DESI1: variants seen among roughly 807,000 people sequenced by gnomAD.
The protein encoded by DESI1 is desumoylating isopeptidase 1, also known as PPPDE peptidase domain containing 2.
DESI1 carries 17 observed loss-of-function variants against 22.4 expected under a neutral mutation model. The ratio of observed to expected loss-of-function variants is 0.76; its 90% CI spans 0.52 to 1.14. The LOEUF (loss-of-function observed/expected upper bound fraction) is 1.14. Among genes scored for constraint, DESI1 ranks in the 50% most tolerant of loss-of-function variants. DESI1 has a pLI of 0.00. For synonymous variants in DESI1, 92 were observed against 84.2 expected (o/e 1.09, Z -0.51); for missense variants, 177 against 208.9 (o/e 0.85, Z 0.94).
chr22:41,598,194 T>C lies in DESI1; in HGVS notation c.*2903A>G, dbSNP rs1168818964. On this transcript the variant is annotated 3_prime_UTR_variant, in exon 6 of 6. Coordinates refer to ENST00000263256, the MANE Select transcript of DESI1 (RefSeq NM_015704.3). ...TGGTCTCATCCCTCCTCCTTCCCTATCCCTTTAAACCAATGGACCTCTAGA... is the reference window on the plus strand; with the variant it reads ...TGGTCTCATCCCTCCTCCTTCCCTACCCCTTTAAACCAATGGACCTCTAGA... 6.6e-6 allele frequency: 1 copy of C among 152,194 alleles called. No individual in the cohort carries two copies. The highest frequency in any genetic ancestry group is 2.4e-5 in the African/African-American group (1 of 41,428). The allele number at this position is 152,194 out of a possible 1,614,324, so 9.4% of individuals were successfully genotyped here.
At chr22:41,601,666 G>C (rs946306109) in intron 5 of DESI1, among the ~76,000 whole-genome samples, 14 of 152,206 alleles carry the variant, frequency 9.2e-5, no homozygotes, top group African/African-American at 3.4e-4. Context: ...CTGCCAGGGA[G>C]TACAGGGAAT....
chr22:41,605,256 T>C (rs2067472301), intron 3 of DESI1, among the ~76,000 whole-genome samples: 1 of 152,178 alleles, frequency 6.6e-6, no homozygotes, highest in African/African-American at 2.4e-5. Context: ...GCCTAATCCT[T>C]GCCCTATCAC....
At chr22:41,620,453 C>T (rs943873158) in intron 1 of DESI1, among the ~76,000 whole-genome samples, 3 of 152,188 alleles carry the variant, frequency 2.0e-5, no homozygotes, top group African/African-American at 7.2e-5. Context: ...TGGTTTACCC[C>T]ACACCCTCGT....
At chr22:41,603,460 A>T in intron 4 of DESI1, 79 bp from the exon 5 acceptor site, 3 of 1,598,866 alleles carry the variant, frequency 1.9e-6, no homozygotes, top group Non-Finnish European at 2.6e-6. Flanking sequence ...TAGGCAGTGG[A>T]ATGGTGAGCA....
chr22:41,612,261 C>T (rs1386521131), intron 1 of DESI1, among the ~76,000 whole-genome samples: 1 of 151,918 alleles, frequency 6.6e-6, no homozygotes, highest in Admixed American at 6.6e-5. Flanking sequence ...GTAATCCGAG[C>T]GCTTTGGGAG....
At chr22:41,606,723 G>A (rs143511742) in intron 3 of DESI1, among the ~76,000 whole-genome samples, 103 of 128,240 alleles carry the variant, frequency 8.0e-4, no homozygotes, top group South Asian at 1.8e-3. Context: ...GCAGTGAGCC[G>A]AGATCGCACC....
intron 1 of DESI1, among the ~76,000 whole-genome samples, chr22:41,608,916 G>A (rs189632214): frequency 2.6e-5 from 4 of 152,252 alleles, no homozygotes; most frequent in East Asian, 1.9e-4. Flanking sequence ...ATTACTGATT[G>A]CTAACTGCTA....
chr22:41,607,728 T>G (rs2067491468), intron 2 of DESI1, 112 bp downstream of exon 2: 1 of 1,263,884 alleles, frequency 7.9e-7, no homozygotes, highest in African/African-American at 1.5e-5. Context: ...CTTGAAGATT[T>G]ATAGCATGGA....
intron 1 of DESI1, among the ~76,000 whole-genome samples, chr22:41,608,064 CA>C (rs2067493354): frequency 6.6e-6 from 1 of 152,168 alleles, no homozygotes; most frequent in Non-Finnish European, 1.5e-5. Flanking sequence ...AGTCTTTTAT[CA>C]GAATGCAAGA....
Position 41,600,937 on chromosome 22 carries a change from T to C in DESI1, c.*160A>G, listed in dbSNP as rs2067446172. 3 of 648,608 alleles carry C rather than the reference T, an allele frequency of 4.6e-6. No individual in the cohort carries two copies. In the East Asian group the frequency reaches 8.3e-5, roughly 18 times the overall value. The allele number at this position is 648,608 out of a possible 1,614,324, so 40.2% of individuals were successfully genotyped here. On this transcript the variant is annotated 3_prime_UTR_variant, in exon 6 of 6. Coordinates refer to ENST00000263256, the MANE Select transcript of DESI1 (RefSeq NM_015704.3). ...ATTTTGTTCTGTTTCTTAGCAGCAT[T>C]GTCTACATGCGGCCTGACGGTCTCC...
At chr22:41,603,919 A>G in intron 4 of DESI1, 125 bp downstream of exon 4, 1 of 763,600 alleles carries the variant, frequency 1.3e-6, no homozygotes, top group Non-Finnish European at 2.0e-6. Context: ...ATGTTAATTC[A>G]GCAAAAAACT....
At chr22:41,605,216 T>C (rs980967518) in intron 3 of DESI1, among the ~76,000 whole-genome samples, 1 of 152,224 alleles carries the variant, frequency 6.6e-6, no homozygotes, top group African/African-American at 2.4e-5. Flanking sequence ...GGCAGATATT[T>C]CCATAATTCA....
At chr22:41,615,593 T>A (rs1178935802) in intron 1 of DESI1, among the ~76,000 whole-genome samples, 2 of 152,228 alleles carry the variant, frequency 1.3e-5, no homozygotes, top group Non-Finnish European at 2.9e-5. Flanking sequence ...ATAGATGGCA[T>A]TAAAACAGAA....
chr22:41,616,914 G>T (rs1301788471), intron 1 of DESI1, among the ~76,000 whole-genome samples: 1 of 152,202 alleles, frequency 6.6e-6, no homozygotes, highest in Non-Finnish European at 1.5e-5. Flanking sequence ...AGAGCTAGAT[G>T]AGGTCTCCCA....
intron 1 of DESI1, among the ~76,000 whole-genome samples, chr22:41,619,953 A>T (rs1346773948): frequency 6.6e-6 from 1 of 152,204 alleles, no homozygotes; most frequent in Admixed American, 6.5e-5. Context: ...CCTGTATTTA[A>T]GTTGAAATAA....
At chr22:41,619,772 C>G (rs374153341) in intron 1 of DESI1, among the ~76,000 whole-genome samples, 1 of 152,208 alleles carries the variant, frequency 6.6e-6, no homozygotes, top group African/African-American at 2.4e-5. Flanking sequence ...TCTGCCCCCT[C>G]GTCTCACAGA....
chr22:41,615,137 AAAAAAAT>A (rs2067542749), intron 1 of DESI1, among the ~76,000 whole-genome samples: 1 of 150,764 alleles, frequency 6.6e-6, no homozygotes, highest in Admixed American at 6.6e-5. Flanking sequence ...TCTCTTCTAA[AAAAAAAT>A]ACAGGCCGGG....
Position 41,620,825 on chromosome 22 carries a change from A to G in DESI1, c.15T>C (p.Asn5=). Residue 5 remains asparagine (N), a synonymous_variant, in exon 1 of 6, where the codon AAT becomes AAC. Coordinates refer to ENST00000263256, the MANE Select transcript of DESI1 (RefSeq NM_015704.3). MEPP[N]LYPVKLYVYD... ...ACACGTAGAGCTTCACCGGATAGAG[A>G]TTCGGCGGCTCCATTGGGACCCGTG... 6.2e-7 allele frequency: 1 copy of G among 1,610,532 alleles called. No homozygotes were observed. The highest frequency in any genetic ancestry group is 8.5e-7 in the Non-Finnish European group (1 of 1,178,526).
chr22:41,620,542 G>A (rs965183692), intron 1 of DESI1, among the ~76,000 whole-genome samples: 4 of 152,156 alleles, frequency 2.6e-5, no homozygotes, highest in Non-Finnish European at 2.9e-5. Flanking sequence ...CCTTCCCCTT[G>A]AATTCAAACG....
Sources: allele counts gnomAD v4.1 joint callset (sites outside exome capture counted in the v4.1 genomes callset), GRCh38; gene constraint gnomAD v4.1.1; transcripts MANE v1.5; gene names NCBI Gene and HGNC (gene_info 2026-07-23, HGNC 2026-07-21).